The following SOX6 variants were observed in gnomAD, a reference collection of about 807,000 sequenced individuals.
SOX6 encodes the protein SRY-box transcription factor 6.
In SOX6, 11 loss-of-function variants were observed where a neutral mutation model predicts 97.8. The observed-to-expected ratio is 0.11, with a 90% CI of 0.07 to 0.19. SOX6 has a LOEUF of 0.19. SOX6 is among the 10% of genes least tolerant of loss of function. The probability of loss-of-function intolerance (pLI) is 1.00; values close to 1 mark genes in which losing one functional copy is unlikely to be tolerated. For missense variants in SOX6, 810 were observed against 1,039.5 expected (o/e 0.78, Z 3.04); for synonymous variants, 360 against 371.4 (o/e 0.97, Z 0.35).
intron 1 of SOX6, among the ~76,000 whole-genome samples, chr11:16,422,898 T>C (rs2133066739): frequency 6.6e-6 from 1 of 152,354 alleles, no homozygotes; most frequent in Non-Finnish European, 1.5e-5. Context: ...TCATCTCTCA[T>C]ATAAACACCT....
Position 16,714,780 on chromosome 11 carries a change from T to A in SOX6, n.429+50A>T, listed in dbSNP as rs1054834998. 4 of 151,812 alleles carry A rather than the reference T, an allele frequency of 2.6e-5. No individual in the cohort carries two copies. In the East Asian group the frequency reaches 7.7e-4, roughly 29 times the overall value. The allele number at this position is 151,812 out of a possible 1,614,324, so 9.4% of individuals were successfully genotyped here. A position where few individuals can be genotyped will look rare whatever the true frequency, so the allele number is the denominator to read the frequency against. On this transcript the variant is annotated intron_variant and non_coding_transcript_variant, in intron 3 of 5. Transcript: ENST00000524520. ...CTTTTAATTTTCATTAGGTCTTTTA[T>A]GTCTACCAGATGTGTCTCTTGCTGC...
chr11:16,697,479 C>T (rs1848062594), intron 3 of SOX6, among the ~76,000 whole-genome samples: 1 of 152,018 alleles, frequency 6.6e-6, no homozygotes, highest in Non-Finnish European at 1.5e-5. Flanking sequence ...ACTAAAAATA[C>T]AAAAATTAGT....
At chr11:16,145,110 T>C (rs1850256200) in intron 6 of SOX6, among the ~76,000 whole-genome samples, 1 of 152,170 alleles carries the variant, frequency 6.6e-6, no homozygotes. Context: ...AATAAAATAC[T>C]GGCAAACCGA....
intron 4 of SOX6, among the ~76,000 whole-genome samples, chr11:16,231,882 A>T (rs1281967823): frequency 6.6e-6 from 1 of 151,876 alleles, no homozygotes; most frequent in African/African-American, 2.4e-5. Flanking sequence ...TTACAAAAAA[A>T]TTATAATGGG....
At chr11:16,259,945 A>ATATGTGTGTG (rs3059123) in intron 3 of SOX6, among the ~76,000 whole-genome samples, 11,915 of 149,048 alleles carry the variant, frequency 0.08, 621 homozygotes, top group African/African-American at 0.14. Context: ...TGTCCCAAAT[A>ATATGTGTGTG]TGTGTGTGTG....
chr11:16,268,122 T>C (rs545340475), intron 3 of SOX6, among the ~76,000 whole-genome samples: 1 of 151,422 alleles, frequency 6.6e-6, no homozygotes, highest in African/African-American at 2.4e-5. Context: ...TTTAGACATA[T>C]TGTATAGCAT....
intron 4 of SOX6, among the ~76,000 whole-genome samples, chr11:16,530,185 G>A (rs1057403615): frequency 1.3e-5 from 2 of 151,968 alleles, no homozygotes; most frequent in Non-Finnish European, 2.9e-5. Context: ...ATCTTTAAAT[G>A]AGACAACTTT....
intron 3 of SOX6, among the ~76,000 whole-genome samples, chr11:16,635,181 G>A (rs901432611): frequency 5.9e-5 from 9 of 152,188 alleles, no homozygotes; most frequent in South Asian, 4.1e-4. Context: ...AAGCAACTTC[G>A]AAACTGGGTA....
chr11:16,211,778 T>G (rs988205343), intron 4 of SOX6, among the ~76,000 whole-genome samples: 2 of 152,170 alleles, frequency 1.3e-5, no homozygotes, highest in African/African-American at 4.8e-5. Flanking sequence ...GGGAAATCAC[T>G]AACATGGTGC....
chr11:16,282,315 C>G (rs1175445272), intron 3 of SOX6, among the ~76,000 whole-genome samples: 1 of 151,084 alleles, frequency 6.6e-6, no homozygotes, highest in Non-Finnish European at 1.5e-5. Flanking sequence ...ACCATGCCTG[C>G]CAGTCTTTAT....
At chr11:16,298,678 C>A (rs1855167118) in intron 3 of SOX6, among the ~76,000 whole-genome samples, 1 of 151,984 alleles carries the variant, frequency 6.6e-6, no homozygotes, top group Non-Finnish European at 1.5e-5. Context: ...ATTTTAACTT[C>A]TTCTTAACTC....
At chr11:16,368,431 G>A (rs10766319) in intron 1 of SOX6, among the ~76,000 whole-genome samples, 45,487 of 151,856 alleles carry the variant, frequency 0.3, 6,974 homozygotes, top group East Asian at 0.52. Context: ...GCAGTGAGCC[G>A]CAATCTCACC....
intron 3 of SOX6, among the ~76,000 whole-genome samples, chr11:16,677,849 A>AT (rs1449354347): frequency 2.0e-5 from 3 of 152,190 alleles, no homozygotes; most frequent in Non-Finnish European, 4.4e-5. Context: ...CTTTGAGAAG[A>AT]TTTTGACTTA....
intron 3 of SOX6, among the ~76,000 whole-genome samples, chr11:16,253,117 G>A (rs1342109097): frequency 6.6e-6 from 1 of 152,160 alleles, no homozygotes; most frequent in Non-Finnish European, 1.5e-5. Flanking sequence ...GGAGGCCTAG[G>A]CGGGCAGATC....
intron 1 of SOX6, among the ~76,000 whole-genome samples, chr11:16,355,405 A>G (rs1485612923): frequency 6.6e-6 from 1 of 152,108 alleles, no homozygotes; most frequent in Non-Finnish European, 1.5e-5. Context: ...ACTATTTTTA[A>G]TGCACTTGCC....
chr11:16,658,230 T>C (rs1265392536), intron 3 of SOX6, among the ~76,000 whole-genome samples: 2 of 152,232 alleles, frequency 1.3e-5, no homozygotes, highest in Non-Finnish European at 2.9e-5. Context: ...CTACCTGGTA[T>C]TTCCGTGATT....
chr11:16,546,559 T>C (rs1318456917), intron 4 of SOX6, among the ~76,000 whole-genome samples: 2 of 152,132 alleles, frequency 1.3e-5, no homozygotes, highest in Admixed American at 6.6e-5. Context: ...TGGATATCCA[T>C]ATGCAGAAGA....
chr11:16,326,068 G>A (rs952304988), intron 2 of SOX6, among the ~76,000 whole-genome samples: 4 of 152,110 alleles, frequency 2.6e-5, no homozygotes, highest in South Asian at 2.1e-4. Context: ...ATTACCCAGT[G>A]TATGGTATTT....
At chr11:16,086,015 T>C (rs906270799) in intron 9 of SOX6, among the ~76,000 whole-genome samples, 3 of 152,202 alleles carry the variant, frequency 2.0e-5, no homozygotes, top group Admixed American at 6.5e-5. Context: ...TTAGAGACAC[T>C]TTCCCCACAA....
Sources: allele counts gnomAD v4.1 joint callset (sites outside exome capture counted in the v4.1 genomes callset), GRCh38; gene constraint gnomAD v4.1.1; transcripts MANE v1.5; gene names NCBI Gene and HGNC (gene_info 2026-07-23, HGNC 2026-07-21).